Variants in COMMD7 observed in about 807,000 individuals in gnomAD.
COMMD7 encodes the protein COMM domain-containing protein 7.
COMMD7 carries 28 observed loss-of-function variants against 34.8 expected under a neutral mutation model. The ratio of observed to expected loss-of-function variants is 0.80; its 90% CI spans 0.60 to 1.10. The LOEUF (loss-of-function observed/expected upper bound fraction) is 1.10. COMMD7 is among the 50% of genes least tolerant of loss of function. The pLI is 0.00. For synonymous variants in COMMD7, 80 were observed against 86.4 expected, an observed-to-expected ratio of 0.93 and a Z score of 0.41; for missense variants, 211 against 241.6, an observed-to-expected ratio of 0.87 and a Z score of 0.84.
rs111296722 is a variant in COMMD7 at position 32,725,436 on chromosome 20, T to G, written c.241+2457A>C. Among the ~76,000 whole-genome samples, 18 of 147,780 alleles carry G rather than the reference T, an allele frequency of 1.2e-4. No individual in the cohort carries two copies. In the East Asian group the frequency reaches 1.8e-3, roughly 14 times the overall value. ...ATAGCTCTATACTGTGTTTTGTTTT[T>G]TTTTTTTTTTGAGACGGAGTGTTGC... On this transcript the variant is annotated intron_variant, in intron 3 of 8. Transcript: ENST00000278980.
At chr20:32,709,712 C>T (rs970750575) in intron 3 of COMMD7, among the ~76,000 whole-genome samples, 1 of 152,116 alleles carries the variant, frequency 6.6e-6, no homozygotes, top group Non-Finnish European at 1.5e-5. Flanking sequence ...CCTAGGCTCT[C>T]TCCCTTGCTT....
At chr20:32,720,143 A>G (rs767670465) in intron 3 of COMMD7, among the ~76,000 whole-genome samples, 1 of 152,212 alleles carries the variant, frequency 6.6e-6, no homozygotes, top group Non-Finnish European at 1.5e-5. Context: ...TGAGCCTGAA[A>G]AGCCCATCTC....
chr20:32,732,024 C>A (rs779336890), intron 1 of COMMD7, among the ~76,000 whole-genome samples: 1 of 152,208 alleles, frequency 6.6e-6, no homozygotes, highest in Non-Finnish European at 1.5e-5. Flanking sequence ...CAGGTTCCTG[C>A]ATGACTGATA....
At chr20:32,741,162 A>C (rs1226072532) in intron 1 of COMMD7, among the ~76,000 whole-genome samples, 5 of 151,950 alleles carry the variant, frequency 3.3e-5, no homozygotes, top group East Asian at 1.9e-4. Flanking sequence ...AACAAACAAA[A>C]AAAAACTGAC....
rs1055744355 is a variant in COMMD7, at chr20:32,718,772, C to T, written c.241+9121G>A. 8.6e-5 allele frequency among the ~76,000 whole-genome samples: 13 copies of T among 151,746 alleles called. No homozygotes were observed. In the East Asian group the frequency reaches 2.5e-3, roughly 29 times the overall value. On this transcript the variant is annotated intron_variant, in intron 3 of 8. Transcript: ENST00000278980. ...CTTTACAAAGCTTTTACTTGACTCT[C>T]CCCCTGCCAAAAAAAAAAAAAGAAA...
intron 1 of COMMD7, chr20:32,742,420 C>G (rs907261600): frequency 2.0e-5 from 3 of 151,984 alleles, no homozygotes; most frequent in African/African-American, 7.3e-5. Flanking sequence ...GAAGTGACAA[C>G]CTAGCGGGGG....
At chr20:32,731,721 A>G (rs1985852897) in intron 1 of COMMD7, among the ~76,000 whole-genome samples, 1 of 152,178 alleles carries the variant, frequency 6.6e-6, no homozygotes, top group Non-Finnish European at 1.5e-5. Context: ...AAATACTGTA[A>G]GTGCACAGTA....
chr20:32,736,918 T>C (rs1431631256), intron 1 of COMMD7, among the ~76,000 whole-genome samples: 2 of 151,888 alleles, frequency 1.3e-5, no homozygotes, highest in Non-Finnish European at 2.9e-5. Context: ...CCATGGCTCA[T>C]GCCTATAATC....
At chr20:32,711,038 C>T (rs1388598312) in intron 3 of COMMD7, among the ~76,000 whole-genome samples, 3 of 152,158 alleles carry the variant, frequency 2.0e-5, no homozygotes, top group Non-Finnish European at 4.4e-5. Context: ...GCCATGATGG[C>T]ACCACTTCAC....
chr20:32,719,266 A>G (rs1476871426), intron 3 of COMMD7, among the ~76,000 whole-genome samples: 3 of 152,190 alleles, frequency 2.0e-5, no homozygotes, highest in South Asian at 2.1e-4. Context: ...TGTAACTGCC[A>G]TAACTAGGCA....
intron 1 of COMMD7, among the ~76,000 whole-genome samples, chr20:32,742,143 C>T (rs13038397): frequency 0.13 from 20,394 of 151,874 alleles, 1,831 homozygotes; most frequent in South Asian, 0.3. Context: ...CCCGAGATCG[C>T]GCCACTGCAC....
chr20:32,732,808 C>T (rs1306398242), intron 1 of COMMD7, among the ~76,000 whole-genome samples: 1 of 151,296 alleles, frequency 6.6e-6, no homozygotes, highest in African/African-American at 2.4e-5. Flanking sequence ...TGGAAGTGGG[C>T]GCCTGTAGTC....
chr20:32,716,983 C>A (rs936283262), intron 3 of COMMD7, among the ~76,000 whole-genome samples: 5 of 152,044 alleles, frequency 3.3e-5, no homozygotes, highest in Non-Finnish European at 5.9e-5. Context: ...AGGTGCCCAC[C>A]AACATGCTCG....
At chr20:32,711,214 T>C (rs910764527) in intron 3 of COMMD7, among the ~76,000 whole-genome samples, 8 of 151,914 alleles carry the variant, frequency 5.3e-5, no homozygotes, top group Non-Finnish European at 7.4e-5. Context: ...CTGGTCAACG[T>C]GGTGAAACCC....
intron 3 of COMMD7, among the ~76,000 whole-genome samples, chr20:32,714,848 C>CA (rs1984679833): frequency 7.1e-6 from 1 of 140,556 alleles, no homozygotes; most frequent in African/African-American, 2.7e-5. Context: ...ACAACAACAA[C>CA]AACAACAAAA....
At chr20:32,741,035 T>A (rs1438495208) in intron 1 of COMMD7, among the ~76,000 whole-genome samples, 1 of 151,654 alleles carries the variant, frequency 6.6e-6, no homozygotes, top group South Asian at 2.1e-4. Context: ...CCCAGCTACT[T>A]GGGAGCCTGA....
chr20:32,737,655 C>T (rs956322378), intron 1 of COMMD7, among the ~76,000 whole-genome samples: 4 of 140,936 alleles, frequency 2.8e-5, no homozygotes, highest in South Asian at 4.7e-4. Flanking sequence ...AAACAGTGAC[C>T]GTGTTGCTAT....
intron 3 of COMMD7, among the ~76,000 whole-genome samples, chr20:32,727,126 T>C (rs111606961): frequency 7.3e-6 from 1 of 136,790 alleles, no homozygotes; most frequent in African/African-American, 2.7e-5. Context: ...TACTTGGGGG[T>C]TGAGGCGGGA....
intron 3 of COMMD7, among the ~76,000 whole-genome samples, chr20:32,723,045 A>AATAATAATAATAAT (rs1192343635): frequency 5.0e-5 from 2 of 40,384 alleles, no homozygotes; most frequent in Non-Finnish European, 5.9e-5. Flanking sequence ...ATAAATAAAT[A>AATAATAATAATAAT]AATAATAATA....
Sources: gnomAD v4.1 joint callset for allele counts (sites outside exome capture counted in the v4.1 genomes callset) on GRCh38, gnomAD v4.1.1 for gene constraint, MANE v1.5 for transcripts, NCBI Gene and HGNC (gene_info 2026-07-23, HGNC 2026-07-21) for gene names.